The following RNF212 variants were observed in gnomAD, a reference collection of about 807,000 sequenced individuals.
RNF212 encodes the protein probable E3 SUMO-protein ligase RNF212.
RNF212 carries 33 observed loss-of-function variants against 34.7 expected under a neutral mutation model. The observed-to-expected ratio is 0.95, with a 90% CI of 0.72 to 1.27. RNF212 has a LOEUF of 1.27. RNF212 is among the 50% of genes most tolerant of loss of function. The pLI is 0.00. For missense variants in RNF212, 377 were observed against 362.2 expected (o/e 1.04, Z -0.33); for synonymous variants, 140 against 136.1 (o/e 1.03, Z -0.20).
intron 1 of RNF212, among the ~76,000 whole-genome samples, chr4:1,109,753 C>T (rs1219000148): frequency 1.3e-5 from 2 of 152,144 alleles, no homozygotes; most frequent in African/African-American, 4.8e-5. Flanking sequence ...CACAGAACAA[C>T]CCACTTCACG....
chr4:1,108,271 A>C, intron 2 of RNF212, 72 bp downstream of exon 2: 1 of 1,062,708 alleles, frequency 9.4e-7, no homozygotes, highest in South Asian at 1.7e-5. Context: ...ACAAATGACT[A>C]AAAATTAAAT....
In RNF212 at chr4:1,096,802, T is replaced by C. The variant is rs755346314; in HGVS notation, c.209A>G (p.Asp70Gly). The C allele has an allele frequency of 2.5e-6, 4 of 1,613,810 alleles. No individual in the cohort carries two copies. The highest frequency in any genetic ancestry group is 1.6e-4 in the Middle Eastern group (1 of 6,062). ...ADIQAFFMSI[D>G]SLCKKYSRET... Reference sequence around the variant, plus strand: ...CCTGGAGTACTTCTTACACAGACTGTCTATGCTCATGAAGAATGCCTGGAT... The same window carrying C: ...CCTGGAGTACTTCTTACACAGACTGCCTATGCTCATGAAGAATGCCTGGAT... The change falls in exon 3 of 10, where the codon GAC becomes GGC. Residue 70 changes from aspartate to glycine, a missense_variant. Transcript: ENST00000433731.
At chr4:1,084,056 C>A (rs1201384647) in intron 5 of RNF212, among the ~76,000 whole-genome samples, 1 of 149,992 alleles carries the variant, frequency 6.7e-6, no homozygotes, top group Non-Finnish European at 1.5e-5. Flanking sequence ...TCAAGAGATT[C>A]TCCTGCCTCA....
At chr4:1,110,630 A>C (rs1417900761) in intron 1 of RNF212, among the ~76,000 whole-genome samples, 1 of 152,216 alleles carries the variant, frequency 6.6e-6, no homozygotes, top group Admixed American at 6.5e-5. Context: ...AAGTAATAAA[A>C]GCAGATTACT....
chr4:1,084,707 A>G (rs1359181441), intron 5 of RNF212, among the ~76,000 whole-genome samples: 1 of 131,402 alleles, frequency 7.6e-6, no homozygotes, highest in African/African-American at 2.9e-5. Flanking sequence ...AGCCTGGGTG[A>G]CAGAGGAAGA....
intron 4 of RNF212, chr4:1,056,604 C>G: frequency 1.9e-6 from 1 of 536,678 alleles, no homozygotes; most frequent in Non-Finnish European, 2.4e-6. Context: ...CAGATGTCAT[C>G]TTAGTATTTT....
chr4:1,085,843 C>T (rs1034540906), intron 5 of RNF212, 53 bp downstream of exon 5: 1 of 1,210,384 alleles, frequency 8.3e-7, no homozygotes, highest in African/African-American at 1.5e-5. Context: ...ACGACCAATG[C>T]ACATGGCAGT....
At chr4:1,058,680 T>C (rs1326152104) in intron 3 of RNF212, among the ~76,000 whole-genome samples, 1 of 152,234 alleles carries the variant, frequency 6.6e-6, no homozygotes, top group African/African-American at 2.4e-5. Flanking sequence ...TTAGAGAATA[T>C]GTAAGCCATC....
chr4:1,067,190 GCTT>G (rs1262698115), downstream of RNF212, among the ~76,000 whole-genome samples: 8 of 152,228 alleles, frequency 5.3e-5, no homozygotes, highest in African/African-American at 1.9e-4. Context: ...GGAGGTTAGG[GCTT>G]CAACATATGA....
chr4:1,080,036 T>A (rs1577678429), intron 7 of RNF212, among the ~76,000 whole-genome samples: 1 of 152,208 alleles, frequency 6.6e-6, no homozygotes, highest in Non-Finnish European at 1.5e-5. Context: ...TGGAGCCTGC[T>A]GGACTAGGAC....
rs375321823 is a variant in RNF212 at position 1,073,604 on chromosome 4, C to A, written c.569G>T (p.Arg190Leu). The change falls in exon 9 of 10, where the codon CGA (arginine) becomes CTA (leucine). Residue 190 changes from arginine (R) to leucine (L), a missense_variant. By Grantham distance (102) the Arg-to-Leu change is moderately radical. Transcript: ENST00000433731. Reference protein sequence around the residue: ...ISMISPPQDGRMGPHLTASFC... With the variant: ...ISMISPPQDGLMGPHLTASFC... Reference sequence around the variant, plus strand: ...TTACAGGACATTTTACTTACCCATTCGTCCATCTTGAGGTGGACTAATCAT... The same window carrying A: ...TTACAGGACATTTTACTTACCCATTAGTCCATCTTGAGGTGGACTAATCAT... The A allele has an allele frequency of 4.4e-6, 7 of 1,599,212 alleles. No individual in the cohort carries two copies. Among genetic ancestry groups the A allele is most frequent in the African/African-American group, 4.0e-5 (3 of 74,614 alleles).
intron 8 of RNF212, among the ~76,000 whole-genome samples, chr4:1,077,888 C>T (rs528630581): frequency 9.2e-5 from 14 of 152,256 alleles, no homozygotes; most frequent in Admixed American, 5.9e-4. Context: ...CCCGTGTTGC[C>T]GGTGGGTGTG....
At chr4:1,102,288 T>C (rs1327104234) in intron 2 of RNF212, among the ~76,000 whole-genome samples, 1 of 152,168 alleles carries the variant, frequency 6.6e-6, no homozygotes, top group Non-Finnish European at 1.5e-5. Context: ...TGAGGGTAAA[T>C]TGGTTCCAGG....
chr4:1,090,880 GTC>G (rs1722081779), intron 3 of RNF212, 42 bp from the exon 4 acceptor site: 7 of 1,318,956 alleles, frequency 5.3e-6, no homozygotes, highest in African/African-American at 1.5e-5. Flanking sequence ...CAGATCCACG[GTC>G]TCTGTGGCTG....
chr4:1,074,448 G>A (rs1019945242), intron 8 of RNF212, among the ~76,000 whole-genome samples: 2 of 152,078 alleles, frequency 1.3e-5, no homozygotes, highest in African/African-American at 2.4e-5. Flanking sequence ...TTCTGCCCCC[G>A]GCACAGCCAC....
intron 3 of RNF212, among the ~76,000 whole-genome samples, chr4:1,060,848 T>G (rs4690214): frequency 6.6e-6 from 1 of 152,126 alleles, no homozygotes; most frequent in East Asian, 1.9e-4. Context: ...AACGCACAGA[T>G]GGCCCGCCTG....
downstream of RNF212, among the ~76,000 whole-genome samples, chr4:1,068,492 C>T (rs138539593): frequency 4.5e-4 from 68 of 152,350 alleles, no homozygotes; most frequent in East Asian, 3.5e-3. Context: ...TCCATCTCCT[C>T]GCTCTTCCTT....
chr4:1,079,493 CT>C (rs1719972268), intron 8 of RNF212, 149 bp downstream of exon 8: 1 of 688,496 alleles, frequency 1.5e-6, no homozygotes. Context: ...CAGCCCACCC[CT>C]CTCACCCACG....
Position 1,094,212 on chromosome 4 carries a change from G to A in RNF212, c.246+2553C>T, listed in dbSNP as rs139725124. Among the ~76,000 whole-genome samples, 1,359 of 152,240 alleles carry A rather than the reference G, an allele frequency of 8.9e-3. 25 individuals carry two copies. Among genetic ancestry groups the A allele is most frequent in the African/African-American group, 0.03 (1,256 of 41,558 alleles). ...CCACAAGGCAGGTGGGGTGGCCAAC[G>A]GTGGGAGCTGCACTCTTCACGGAAG... On this transcript the variant is annotated intron_variant, in intron 3 of 9. Transcript: ENST00000433731.
Sources: gnomAD v4.1 joint callset for allele counts (sites outside exome capture counted in the v4.1 genomes callset) on GRCh38, gnomAD v4.1.1 for gene constraint, MANE v1.5 for transcripts, NCBI Gene and HGNC (gene_info 2026-07-23, HGNC 2026-07-21) for gene names.